The following POU3F1 variants were observed in gnomAD, a reference collection of about 807,000 sequenced individuals.
The protein encoded by POU3F1 is POU class 3 homeobox 1, also known as POU domain, class 3, transcription factor 1.
Under a neutral mutation model 7.6 loss-of-function variants are expected in POU3F1, and 1 was observed. The ratio of observed to expected loss-of-function variants is 0.13; its 90% CI spans 0.05 to 0.62. The LOEUF is 0.62. Among genes scored for constraint, POU3F1 ranks in the 20% least tolerant of loss-of-function variants. The pLI is 0.87. For missense variants in POU3F1, 505 were observed against 679.3 expected (o/e 0.74, Z 2.85); for synonymous variants, 354 against 339.0 (o/e 1.04, Z -0.49).
Position 38,046,046 on chromosome 1 carries a change from CCCGGGTGCAGGTGCGCCGCCGCCGCGT to C in POU3F1, c.671_697del (p.His224_Gly233delinsArg), listed in dbSNP as rs1017017632. On this transcript the variant is annotated inframe_deletion, in exon 1 of 1. Coordinates refer to ENST00000373012, the MANE Select transcript of POU3F1 (RefSeq NM_002699.4). This position sits in a 1 kb window ranked among gnomAD's most constrained non-coding sequence, Gnocchi z 9.5. Reference sequence around the variant, plus strand: ...CACCGATGAGCCGCCGCCGCCCGCGCCCGGGTGCAGGTGCGCCGCCGCCGCGTGCAGGCCGCCCGCGTGTGCATGTCC... The same window carrying C: ...CACCGATGAGCCGCCGCCGCCCGCGCGCAGGCCGCCCGCGTGTGCATGTCC... The C allele has an allele frequency of 1.9e-6, 3 of 1,550,544 alleles. No individual in the cohort carries two copies. The African/African-American group carries it at 4.2e-5, about 22-fold the overall frequency.
In POU3F1 at chr1:38,045,895, G is replaced by A. The variant is rs748885293; in HGVS notation, c.849C>T (p.Leu283=). 5.6e-6 allele frequency: 9 copies of A among 1,613,846 alleles called. No homozygotes were observed. Among genetic ancestry groups the A allele is most frequent in the Non-Finnish European group, 7.6e-6 (9 of 1,179,994 alleles). ...TGGTCTGCGAGAACACGTTACCGTA[G>A]AGCGTGCCCAGCGCCAGCCCCACGT... ...QADVGLALGT[L]YGNVFSQTTI... The change falls in exon 1 of 1, where the codon CTC becomes CTT. Residue 283 remains leucine, a synonymous_variant. Coordinates refer to ENST00000373012, the MANE Select transcript of POU3F1 (RefSeq NM_002699.4). This position sits in a 1 kb window ranked among gnomAD's most constrained non-coding sequence, Gnocchi z 9.4.
At position 38,044,002 on chromosome 1, in the gene POU3F1, CAGAA is replaced by C. The variant is rs1442376220; in HGVS notation, c.*1382_*1385del. ...AAATTTAAATTCAAACCTTAACAAA[CAGAA>C]GAAGAAACGGAGAAGGGGGAAGCTC... On this transcript the variant is annotated 3_prime_UTR_variant, in exon 1 of 1. Coordinates refer to ENST00000373012, the MANE Select transcript of POU3F1 (RefSeq NM_002699.4). 6.6e-6 allele frequency among the ~76,000 whole-genome samples: 1 copy of C among 151,724 alleles called. No homozygotes were observed. The highest frequency in any genetic ancestry group is 1.9e-4 in the East Asian group (1 of 5,176).
chr1:38,044,974 A>T lies in POU3F1; in HGVS notation c.*414T>A, dbSNP rs969022158. 2.6e-5 allele frequency: 4 copies of T among 152,232 alleles called. No individual in the cohort carries two copies. Among genetic ancestry groups the T allele is most frequent in the African/African-American group, 9.6e-5 (4 of 41,458 alleles). The allele number at this position is 152,232 out of a possible 1,614,324, so 9.4% of individuals were successfully genotyped here. A position where few individuals can be genotyped will look rare whatever the true frequency, so the allele number is the denominator to read the frequency against. On this transcript the variant is annotated 3_prime_UTR_variant, in exon 1 of 1. Coordinates refer to ENST00000373012, the MANE Select transcript of POU3F1 (RefSeq NM_002699.4). ...GAGTCCACGCGGGGAGAGGGGATGG[A>T]GAACTCTCCTCGCTTCGTCCTCTCT...
rs35099707 is a variant in POU3F1 at position 38,045,275 on chromosome 1, C to CT, written c.*112dup. The CT allele has an allele frequency of 0.13, 35,048 of 260,134 alleles. 2,789 individuals carry two copies. The highest frequency in any genetic ancestry group is 0.65 in the East Asian group (3,820 of 5,842). The allele number at this position is 260,134 out of a possible 1,614,324, so 16.1% of individuals were successfully genotyped here. A position where few individuals can be genotyped will look rare whatever the true frequency, so the allele number is the denominator to read the frequency against. ...TTGGTTTTGTTCGAAAGTTTCTGGG[C>CT]TTTTTTTTTTTTTTGTAAAATCCAA... is the stretch of plus-strand genomic sequence containing the variant. On this transcript the variant is annotated 3_prime_UTR_variant, in exon 1 of 1. Coordinates refer to ENST00000373012, the MANE Select transcript of POU3F1 (RefSeq NM_002699.4). This position sits in a 1 kb window ranked among gnomAD's most constrained non-coding sequence, Gnocchi z 9.4.
Position 38,046,537 on chromosome 1 carries a change from C to T in POU3F1, c.207G>A (p.Ala69=), listed in dbSNP as rs2148746925. Residue 69 remains alanine (A), a synonymous_variant, in exon 1 of 1, where the codon GCG becomes GCA. Coordinates refer to ENST00000373012, the MANE Select transcript of POU3F1 (RefSeq NM_002699.4). This position sits in a 1 kb window ranked among gnomAD's most constrained non-coding sequence, Gnocchi z 9.5. The part of the protein sequence containing the change: ...GAGAGHPVGL[A]HPQWLPTGGG... ...CTCCCGTGGGTAGCCACTGGGGGTG[C>T]GCTAGGCCCACGGGGTGGCCCGCGC... 3 of 1,373,562 alleles carry T rather than the reference C, an allele frequency of 2.2e-6. No homozygotes were observed. The highest frequency in any genetic ancestry group is 2.8e-6 in the Non-Finnish European group (3 of 1,062,822). The allele number at this position is 1,373,562 out of a possible 1,614,324, so 85.1% of individuals were successfully genotyped here.
At position 38,044,594 on chromosome 1, in the gene POU3F1, AG is replaced by A. The variant is rs138024979; in HGVS notation, c.*793del. 6 of 102,488 alleles carry A rather than the reference AG, an allele frequency of 5.9e-5. No individual in the cohort carries two copies. Among genetic ancestry groups the A allele is most frequent in the Middle Eastern group, 5.3e-3 (1 of 190 alleles). The allele number at this position is 102,488 out of a possible 1,614,324, so 6.3% of individuals were successfully genotyped here. A position where few individuals can be genotyped will look rare whatever the true frequency, so the allele number is the denominator to read the frequency against. On this transcript the variant is annotated 3_prime_UTR_variant, in exon 1 of 1. Transcript: ENST00000373012. ...AATGAACACTCGAATTTTTTTTGTT[AG>A]TTTTTTTTTTTTTTTTTTGCTTTTT...
rs1397793054 is a variant in POU3F1, at chr1:38,045,188, G to C, written c.*200C>G. On this transcript the variant is annotated 3_prime_UTR_variant, in exon 1 of 1. Coordinates refer to ENST00000373012, the MANE Select transcript of POU3F1 (RefSeq NM_002699.4). This position sits in a 1 kb window ranked among gnomAD's most constrained non-coding sequence, Gnocchi z 9.4. ...CGGATCTTCGCTCCTCTCTCCCGGG[G>C]CTCGGGCGACGCAGCCTACCGGGCT... The C allele has an allele frequency of 5.8e-6, 1 of 172,402 alleles. No homozygotes were observed. Among genetic ancestry groups the C allele is most frequent in the Non-Finnish European group, 1.2e-5 (1 of 83,086 alleles). The allele number at this position is 172,402 out of a possible 1,614,324, so 10.7% of individuals were successfully genotyped here. A position where few individuals can be genotyped will look rare whatever the true frequency, so the allele number is the denominator to read the frequency against.
In POU3F1 at chr1:38,044,073, G is replaced by A. The variant is rs1292919083; in HGVS notation, c.*1315C>T. ...ATAAATAGAGATGGGTCAGAAATTC[G>A]GAAATCATATTAAAATATCTTTTTC... is the stretch of plus-strand genomic sequence containing the variant. On this transcript the variant is annotated 3_prime_UTR_variant, in exon 1 of 1. Coordinates refer to ENST00000373012, the MANE Select transcript of POU3F1 (RefSeq NM_002699.4). Among the ~76,000 whole-genome samples the A allele has an allele frequency of 6.6e-6, 1 of 152,110 alleles. No homozygotes were observed. Among genetic ancestry groups the A allele is most frequent in the Non-Finnish European group, 1.5e-5 (1 of 68,006 alleles).
chr1:38,046,713 C>A lies in POU3F1; in HGVS notation c.31G>T (p.Gly11Cys). The A allele has an allele frequency of 8.7e-7, 1 of 1,152,272 alleles. No individual in the cohort carries two copies. Among genetic ancestry groups the A allele is most frequent in the Non-Finnish European group, 1.1e-6 (1 of 943,522 alleles). The allele number at this position is 1,152,272 out of a possible 1,614,324, so 71.4% of individuals were successfully genotyped here. A position where few individuals can be genotyped will look rare whatever the true frequency, so the allele number is the denominator to read the frequency against. The part of the protein sequence containing the change: MATTAQYLPR[G>C]PGGGAGGTGP... ...GTGCCCCCGGCTCCGCCACCGGGGC[C>A]CCGCGGCAGGTACTGCGCGGTGGTG... The change falls in exon 1 of 1, where the codon GGC (glycine) becomes TGC (cysteine). Residue 11 changes from glycine (G) to cysteine (C), a missense_variant. By Grantham distance (159) the Gly-to-Cys change is radical. This residue lies in a region of POU3F1 where 361 missense variants were observed against 382.1 expected (regional missense o/e 0.94). Transcript: ENST00000373012. This position sits in a 1 kb window ranked among gnomAD's most constrained non-coding sequence, Gnocchi z 9.5.
rs1226580548 is a variant in POU3F1, at chr1:38,046,317, G to A, written c.427C>T (p.Pro143Ser). Residue 143 changes from proline to serine, a missense_variant, in exon 1 of 1, where the codon CCC becomes TCC. By Grantham distance (74) the Pro-to-Ser change is moderately conservative. Around this residue, in one of 5 missense-constraint regions of POU3F1, gnomAD observed 361 missense variants for 382.1 expected, o/e 0.94. Coordinates refer to ENST00000373012, the MANE Select transcript of POU3F1 (RefSeq NM_002699.4). This position sits in a 1 kb window ranked among gnomAD's most constrained non-coding sequence, Gnocchi z 9.5. ...TGGCCCCCGCTGGCCCCGGGCGAGG[G>A]CGACATGGCCGGGCCCAAGTGGTGC... is the stretch of plus-strand genomic sequence containing the variant. ...TAHHLGPAMS[P>S]SPGASGGHQP... is the part of the protein sequence containing the mutation. 5.8e-6 allele frequency: 7 copies of A among 1,200,180 alleles called. No individual in the cohort carries two copies. Among genetic ancestry groups the A allele is most frequent in the Non-Finnish European group, 7.2e-6 (7 of 965,784 alleles). The allele number at this position is 1,200,180 out of a possible 1,614,324, so 74.3% of individuals were successfully genotyped here. A position where few individuals can be genotyped will look rare whatever the true frequency, so the allele number is the denominator to read the frequency against.
In POU3F1 at chr1:38,044,724, A is replaced by T. The variant is rs1210848771; in HGVS notation, c.*664T>A. 1 of 150,038 alleles carries T rather than the reference A, an allele frequency of 6.7e-6. No homozygotes were observed. The highest frequency in any genetic ancestry group is 6.7e-5 in the Admixed American group (1 of 15,024). The allele number at this position is 150,038 out of a possible 1,614,324, so 9.3% of individuals were successfully genotyped here. ...TTTATACACAGACGCGGCTCTCGCG[A>T]CCTCCCCTCCGGGGCCCCGATAAAT... On this transcript the variant is annotated 3_prime_UTR_variant, in exon 1 of 1. Transcript: ENST00000373012.
At position 38,046,148 on chromosome 1, in the gene POU3F1, T is replaced by A; in HGVS notation, c.596A>T (p.Gln199Leu). The change falls in exon 1 of 1, where the codon CAG (glutamine) becomes CTG (leucine). Residue 199 changes from glutamine to leucine, a missense_variant. By Grantham distance (113) the Gln-to-Leu change is moderately radical. Transcript: ENST00000373012. This position sits in a 1 kb window ranked among gnomAD's most constrained non-coding sequence, Gnocchi z 9.5. ...HALHEDGHEA[Q>L]LEPSPPPHLG... ...ATGCGGCGGCGGCGACGGCTCCAGC[T>A]GCGCCTCGTGGCCATCCTCGTGCAG... The A allele has an allele frequency of 1.4e-5, 19 of 1,397,566 alleles. No homozygotes were observed. Among genetic ancestry groups the A allele is most frequent in the Non-Finnish European group, 1.8e-5 (19 of 1,076,454 alleles). The allele number at this position is 1,397,566 out of a possible 1,614,324, so 86.6% of individuals were successfully genotyped here. A position where few individuals can be genotyped will look rare whatever the true frequency, so the allele number is the denominator to read the frequency against.
chr1:38,046,305 C>T lies in POU3F1; in HGVS notation c.439G>A (p.Ala147Thr), dbSNP rs778413504. The T allele has an allele frequency of 1.7e-5, 20 of 1,185,676 alleles. No individual in the cohort carries two copies. Among genetic ancestry groups the T allele is most frequent in the Middle Eastern group, 3.5e-4 (1 of 2,884 alleles). 73.4% of individuals were successfully genotyped at this position (1,185,676 alleles called of 1,614,324 possible). A position where few individuals can be genotyped will look rare whatever the true frequency, so the allele number is the denominator to read the frequency against. ...LGPAMSPSPG[A>T]SGGHQPQPLG... ...GGCTGGGGCTGGTGGCCCCCGCTGG[C>T]CCCGGGCGAGGGCGACATGGCCGGG... The change falls in exon 1 of 1, where the codon GCC (alanine) becomes ACC (threonine). Residue 147 changes from alanine (A) to threonine (T), a missense_variant. Physicochemically the swap from Ala to Thr is moderately conservative, Grantham distance 58. Around this residue, in one of 5 missense-constraint regions of POU3F1, gnomAD observed 361 missense variants for 382.1 expected, o/e 0.94. Transcript: ENST00000373012. This position sits in a 1 kb window ranked among gnomAD's most constrained non-coding sequence, Gnocchi z 9.5.
Position 38,045,492 on chromosome 1 carries a change from C to T in POU3F1, c.1252G>A (p.Gly418Arg). The change falls in exon 1 of 1, where the codon GGG becomes AGG. Residue 418 changes from glycine to arginine, a missense_variant. Gly to Arg is a moderately radical substitution (Grantham distance 125). Around this residue, in one of 5 missense-constraint regions of POU3F1, gnomAD observed 72 missense variants for 93.7 expected, o/e 0.77. Transcript: ENST00000373012. This position sits in a 1 kb window ranked among gnomAD's most constrained non-coding sequence, Gnocchi z 9.4. The stretch of plus-strand genomic sequence containing the variant: ...GGCGATGCGCCGCCCCCGCCAGGCC[C>T]TAGCTCCCCAGGCGCGTATACATCG... The part of the protein sequence containing the change: ...MDDVYAPGEL[G>R]PGGGGASPPS... The T allele has an allele frequency of 6.5e-7, 1 of 1,539,992 alleles. No homozygotes were observed. The highest frequency in any genetic ancestry group is 8.7e-7 in the Non-Finnish European group (1 of 1,145,318).
chr1:38,046,259 G>C lies in POU3F1; in HGVS notation c.485C>G (p.Ala162Gly), dbSNP rs1224410897. ...GCCGCCGCCGCCCCCCGGGTAGGCC[G>C]CCTGCGCGTACAGCCCGAGCGGCTG... is the stretch of plus-strand genomic sequence containing the variant. Reference protein sequence around the residue: ...QPQPLGLYAQAAYPGGGGGGL... With the variant: ...QPQPLGLYAQGAYPGGGGGGL... The change falls in exon 1 of 1, where the codon GCG becomes GGG. Residue 162 changes from alanine to glycine, a missense_variant. By Grantham distance (60) the Ala-to-Gly change is moderately conservative. Coordinates refer to ENST00000373012, the MANE Select transcript of POU3F1 (RefSeq NM_002699.4). The surrounding 1 kb of genome is among the most constrained non-coding windows in gnomAD (Gnocchi z 9.5). 1.8e-6 allele frequency: 2 copies of C among 1,088,806 alleles called. No homozygotes were observed. The highest frequency in any genetic ancestry group is 2.2e-6 in the Non-Finnish European group (2 of 902,724). The allele number at this position is 1,088,806 out of a possible 1,614,324, so 67.4% of individuals were successfully genotyped here. A position where few individuals can be genotyped will look rare whatever the true frequency, so the allele number is the denominator to read the frequency against.
Position 38,046,680 on chromosome 1 carries a change from G to A in POU3F1, c.64C>T (p.Leu22Phe). 1.6e-6 allele frequency: 2 copies of A among 1,216,736 alleles called. No homozygotes were observed. The highest frequency in any genetic ancestry group is 2.0e-6 in the Non-Finnish European group (2 of 982,716). The allele number at this position is 1,216,736 out of a possible 1,614,324, so 75.4% of individuals were successfully genotyped here. ...PGGGAGGTGPLMHPDAAAAAA... is the reference protein window; with the variant it reads ...PGGGAGGTGPFMHPDAAAAAA... ...GCCGCCGCGGCGTCCGGGTGCATAAGCGGCCCGGTGCCCCCGGCTCCGCCA... is the reference window on the plus strand; with the variant it reads ...GCCGCCGCGGCGTCCGGGTGCATAAACGGCCCGGTGCCCCCGGCTCCGCCA... The change falls in exon 1 of 1, where the codon CTT becomes TTT. Residue 22 changes from leucine (L) to phenylalanine (F), a missense_variant. Around this residue, in one of 5 missense-constraint regions of POU3F1, gnomAD observed 361 missense variants for 382.1 expected, o/e 0.94. Coordinates refer to ENST00000373012, the MANE Select transcript of POU3F1 (RefSeq NM_002699.4). The surrounding 1 kb of genome is among the most constrained non-coding windows in gnomAD (Gnocchi z 9.5).
rs1392915906 is a variant in POU3F1 at position 38,046,294 on chromosome 1, GC to G, written c.449del (p.Gly150AlafsTer152). 8 of 1,165,112 alleles carry G rather than the reference GC, an allele frequency of 6.9e-6. No homozygotes were observed. The highest frequency in any genetic ancestry group is 3.6e-4 in the Middle Eastern group (1 of 2,776). The allele number at this position is 1,165,112 out of a possible 1,614,324, so 72.2% of individuals were successfully genotyped here. A position where few individuals can be genotyped will look rare whatever the true frequency, so the allele number is the denominator to read the frequency against. The part of the protein sequence containing the change: ...AMSPSPGASG[G>X]HQPQPLGLYA... ...ACAGCCCGAGCGGCTGGGGCTGGTG[GC>G]CCCCGCTGGCCCCGGGCGAGGGCGA... On this transcript the variant is annotated frameshift_variant, in exon 1 of 1. Transcript: ENST00000373012. LOFTEE classifies it low-confidence loss of function (END_TRUNC). This position sits in a 1 kb window ranked among gnomAD's most constrained non-coding sequence, Gnocchi z 9.5.
Position 38,046,079 on chromosome 1 carries a change from C to T in POU3F1, c.665G>A (p.Gly222Asp), listed in dbSNP as rs1313053621. The T allele has an allele frequency of 1.4e-6, 2 of 1,460,612 alleles. No individual in the cohort carries two copies. Among genetic ancestry groups the T allele is most frequent in the Non-Finnish European group, 1.8e-6 (2 of 1,116,180 alleles). 90.5% of individuals were successfully genotyped at this position (1,460,612 alleles called of 1,614,324 possible). A position where few individuals can be genotyped will look rare whatever the true frequency, so the allele number is the denominator to read the frequency against. Residue 222 changes from glycine (G) to aspartate (D), a missense_variant, in exon 1 of 1, where the codon GGC becomes GAC. Gly to Asp is a moderately conservative substitution (Grantham distance 94). This residue lies in a region of POU3F1 where 361 missense variants were observed against 382.1 expected (regional missense o/e 0.94). Coordinates refer to ENST00000373012, the MANE Select transcript of POU3F1 (RefSeq NM_002699.4). This position sits in a 1 kb window ranked among gnomAD's most constrained non-coding sequence, Gnocchi z 9.5. ...CAGGTGCGCCGCCGCCGCGTGCAGG[C>T]CGCCCGCGTGTGCATGTCCGTGTGC... Reference protein sequence around the residue: ...GHAHGHAHAGGLHAAAAHLHP... With the variant: ...GHAHGHAHAGDLHAAAAHLHP...
In POU3F1 at chr1:38,045,789, C is replaced by T. The variant is rs775221668; in HGVS notation, c.955G>A (p.Glu319Lys). The T allele has an allele frequency of 1.2e-6, 2 of 1,613,928 alleles. No individual in the cohort carries two copies. Among genetic ancestry groups the T allele is most frequent in the East Asian group, 2.2e-5 (1 of 44,870 alleles). Reference sequence around the variant, plus strand: ...GGGCTGCCGCTGGACGAGTCGGTCTCCTCCAGCCACTTGTTGAGCAGCGGC... The same window carrying T: ...GGGCTGCCGCTGGACGAGTCGGTCTTCTCCAGCCACTTGTTGAGCAGCGGC... ...LKPLLNKWLE[E>K]TDSSSGSPTN... The change falls in exon 1 of 1, where the codon GAG becomes AAG. Residue 319 changes from glutamate (E) to lysine (K), a missense_variant. By Grantham distance (56) the Glu-to-Lys change is moderately conservative (BLOSUM62 1). This residue lies in a region of POU3F1 where 26 missense variants were observed against 99.9 expected (regional missense o/e 0.26). Coordinates refer to ENST00000373012, the MANE Select transcript of POU3F1 (RefSeq NM_002699.4). This position sits in a 1 kb window ranked among gnomAD's most constrained non-coding sequence, Gnocchi z 9.4.
Sources: gnomAD v4.1 joint callset for allele counts (sites outside exome capture counted in the v4.1 genomes callset) on GRCh38, gnomAD v4.1.1 for gene constraint, gnomAD v4.1.1 regional missense constraint, Gnocchi (gnomAD v3.1) non-coding constraint, MANE v1.5 for transcripts, NCBI Gene and HGNC (gene_info 2026-07-23, HGNC 2026-07-21) for gene names.